ERC1: variants seen among roughly 807,000 people sequenced by gnomAD.
The protein encoded by ERC1 is ELKS/RAB6-interacting/CAST family member 1, also known as RAB6 interacting protein 2.
A neutral mutation model predicts 132.0 loss-of-function variants in ERC1; 56 were observed. That is an observed-to-expected ratio of 0.42 (90% CI 0.34 to 0.53). ERC1 has a LOEUF of 0.53. ERC1 is among the 20% of genes least tolerant of loss of function. The probability of loss-of-function intolerance (pLI) is 0.03; values close to 1 mark genes in which losing one functional copy is unlikely to be tolerated. For synonymous variants in ERC1, 478 were observed against 476.1 expected (o/e 1.00, Z -0.05); for missense variants, 1,202 against 1,349.9 (o/e 0.89, Z 1.72).
At chr12:1,459,823 T>C (rs898241720) in intron 18 of ERC1, among the ~76,000 whole-genome samples, 1 of 152,224 alleles carries the variant, frequency 6.6e-6, no homozygotes, top group Admixed American at 6.5e-5. Flanking sequence ...GACACGTCAA[T>C]GTGTGCCTCT....
At chr12:1,052,795 C>A (rs1352221657) in intron 2 of ERC1, among the ~76,000 whole-genome samples, 2 of 152,054 alleles carry the variant, frequency 1.3e-5, no homozygotes, top group Non-Finnish European at 2.9e-5. Context: ...CATGGTGAAA[C>A]CCCGTCTCCA....
intron 16 of ERC1, among the ~76,000 whole-genome samples, chr12:1,377,766 G>T (rs968517637): frequency 6.6e-6 from 1 of 152,056 alleles, no homozygotes; most frequent in Non-Finnish European, 1.5e-5. Context: ...ATGAAGTTGC[G>T]GTTGAAAAGA....
At position 1,324,863 on chromosome 12, in the gene ERC1, G is replaced by A. The variant is rs80231915; in HGVS notation, c.2780+34851G>A. Among the ~76,000 whole-genome samples the A allele has an allele frequency of 9.7e-3, 1,473 of 152,278 alleles. 22 individuals carry two copies. Among genetic ancestry groups the A allele is most frequent in the African/African-American group, 0.033 (1,375 of 41,532 alleles). On this transcript the variant is annotated intron_variant, in intron 15 of 18. Transcript: ENST00000360905. ...GTTTTTCTTCAGGTATCATGAAAGT[G>A]AATGAAGTATTTTCAAGTCCATTCA...
intron 1 of ERC1, among the ~76,000 whole-genome samples, chr12:1,022,846 G>C (rs535512917): frequency 2.6e-5 from 4 of 152,236 alleles, no homozygotes; most frequent in Admixed American, 1.3e-4. Flanking sequence ...TTGAACTCCT[G>C]ACCTCAAGTG....
At chr12:1,081,429 C>G (rs1298148861) in intron 2 of ERC1, among the ~76,000 whole-genome samples, 1 of 152,044 alleles carries the variant, frequency 6.6e-6, no homozygotes, top group East Asian at 1.9e-4. Flanking sequence ...TGGGTATTAC[C>G]AGTTTTGATT....
intron 15 of ERC1, among the ~76,000 whole-genome samples, chr12:1,295,680 C>T (rs1243555891): frequency 6.6e-6 from 1 of 151,870 alleles, no homozygotes; most frequent in Non-Finnish European, 1.5e-5. Flanking sequence ...AAGAAGGCCC[C>T]AATTAATTCT....
chr12:1,395,019 T>C (rs1456872627), intron 16 of ERC1, among the ~76,000 whole-genome samples: 1 of 152,220 alleles, frequency 6.6e-6, no homozygotes, highest in Admixed American at 6.5e-5. Flanking sequence ...TGAATCCAGC[T>C]AATAATTCCC....
chr12:1,463,229 G>A (rs1344319153), intron 18 of ERC1, among the ~76,000 whole-genome samples: 2 of 152,156 alleles, frequency 1.3e-5, no homozygotes, highest in Non-Finnish European at 2.9e-5. Context: ...CTGGGGCAGT[G>A]TTAGGCACAG....
chr12:996,693 CTTATT>C (rs551180204), intron 1 of ERC1, among the ~76,000 whole-genome samples: 8 of 152,078 alleles, frequency 5.3e-5, no homozygotes, highest in Non-Finnish European at 1.2e-4. Flanking sequence ...TTTATGTACA[CTTATT>C]TTAAGAAATA....
intron 14 of ERC1, among the ~76,000 whole-genome samples, chr12:1,267,696 A>T (rs1487217671): frequency 6.6e-6 from 1 of 152,194 alleles, no homozygotes; most frequent in Non-Finnish European, 1.5e-5. Flanking sequence ...TAGGAGTTTG[A>T]GGCTGCAGTG....
At chr12:1,177,872 G>A (rs1042909294) in intron 8 of ERC1, among the ~76,000 whole-genome samples, 3 of 152,190 alleles carry the variant, frequency 2.0e-5, no homozygotes, top group East Asian at 1.9e-4. Flanking sequence ...AGGTATACCC[G>A]TATATGGAGT....
In ERC1 at chr12:1,235,202, A is replaced by G. The variant is rs189526523; in HGVS notation, c.2352-1567A>G. Among the ~76,000 whole-genome samples, 441 of 152,284 alleles carry G rather than the reference A, an allele frequency of 2.9e-3. 4 individuals are homozygous for G. Among genetic ancestry groups the G allele is most frequent in the Middle Eastern group, 0.02 (6 of 294 alleles). ...GGCAACATAGTGAAACCTCATCTCTACTACAAATTAGCTGGGTGTGGTGGC... is the reference window on the plus strand; with the variant it reads ...GGCAACATAGTGAAACCTCATCTCTGCTACAAATTAGCTGGGTGTGGTGGC... On this transcript the variant is annotated intron_variant, in intron 12 of 18. Coordinates refer to ENST00000360905, the MANE Select transcript of ERC1 (RefSeq NM_178040.4).
chr12:1,116,343 G>C (rs1300263786), intron 7 of ERC1: 2 of 211,506 alleles, frequency 9.5e-6, no homozygotes, highest in Non-Finnish European at 1.9e-5. Context: ...CATTGATTTA[G>C]AAGCTTCAGT....
chr12:1,219,120 G>A (rs1389318233), intron 12 of ERC1, among the ~76,000 whole-genome samples: 3 of 151,920 alleles, frequency 2.0e-5, no homozygotes, highest in Non-Finnish European at 2.9e-5. Flanking sequence ...TGATCCACCC[G>A]CCTTGGCCTC....
chr12:1,259,671 C>T (rs1429546528), intron 13 of ERC1, among the ~76,000 whole-genome samples: 3 of 151,896 alleles, frequency 2.0e-5, no homozygotes, highest in East Asian at 1.9e-4. Context: ...TACAGGCGCC[C>T]GCCACAACGC....
At chr12:1,380,608 A>G (rs1174166482) in intron 16 of ERC1, 1 of 152,162 alleles carries the variant, frequency 6.6e-6, no homozygotes, top group Non-Finnish European at 1.5e-5. Flanking sequence ...CAGTAGCACT[A>G]CGCTCACAAC....
chr12:1,039,367 TAAATAAATAAAAAATTA>T, intron 2 of ERC1, among the ~76,000 whole-genome samples: 1 of 144,044 alleles, frequency 6.9e-6, no homozygotes, highest in Admixed American at 6.9e-5. Context: ...AATAAATAAA[TAAATAAATAAAAAATTA>T]GCTGGCATGG....
intron 17 of ERC1, among the ~76,000 whole-genome samples, chr12:1,441,673 A>G (rs2093159842): frequency 6.6e-6 from 1 of 152,218 alleles, no homozygotes; most frequent in Non-Finnish European, 1.5e-5. Context: ...AATAAATTGC[A>G]CAAATCCAGT....
rs2090981093 is a variant in ERC1, at chr12:1,400,916, A to ATTATTATTATTTTTTTT, written c.2926-7231_2926-7230insATTATTATTTTTTTTTT. On this transcript the variant is annotated intron_variant, in intron 16 of 18. Coordinates refer to ENST00000360905, the MANE Select transcript of ERC1 (RefSeq NM_178040.4). ...TCAATATTGTTTTGGCTATTTTTGT[A>ATTATTATTATTTTTTTT]TTTTTTTTTTTTTTTTTTTTTTTTT... 2.7e-4 allele frequency among the ~76,000 whole-genome samples: 4 copies of ATTATTATTATTTTTTTT among 15,040 alleles called. 1 individual carries two copies. The highest frequency in any genetic ancestry group is 1.2e-3 in the African/African-American group (4 of 3,232). The allele number at this position is 15,040 out of a possible 152,430, so 9.9% of individuals were successfully genotyped here. A position where few individuals can be genotyped will look rare whatever the true frequency, so the allele number is the denominator to read the frequency against.
Sources: gnomAD v4.1 joint callset for allele counts (sites outside exome capture counted in the v4.1 genomes callset) on GRCh38, gnomAD v4.1.1 for gene constraint, MANE v1.5 for transcripts, NCBI Gene and HGNC (gene_info 2026-07-23, HGNC 2026-07-21) for gene names.